The following STK32B variants were observed in gnomAD, a reference collection of about 807,000 sequenced individuals.
STK32B encodes serine/threonine kinase 32B.
Under a neutral mutation model 52.6 loss-of-function variants are expected in STK32B, and 43 were observed. That is an observed-to-expected ratio of 0.82 (90% CI 0.64 to 1.05). STK32B has a LOEUF of 1.05. Ranked by LOEUF, STK32B falls within the 50% of genes least tolerant of loss-of-function variation. The pLI, the probability that STK32B is intolerant of heterozygous loss-of-function variation, is 0.00. For synonymous variants in STK32B, 238 were observed against 204.3 expected, an observed-to-expected ratio of 1.17 and a Z score of -1.41; for missense variants, 621 against 534.6, an observed-to-expected ratio of 1.16 and a Z score of -1.59.
intron 3 of STK32B, among the ~76,000 whole-genome samples, chr4:5,174,168 A>G (rs1228671099): frequency 6.6e-6 from 1 of 151,986 alleles, no homozygotes. Flanking sequence ...ATCTTCCTCC[A>G]TCTTTCTATT....
At chr4:5,191,074 G>A (rs576871925) in intron 3 of STK32B, among the ~76,000 whole-genome samples, 5 of 152,118 alleles carry the variant, frequency 3.3e-5, no homozygotes, top group Non-Finnish European at 7.4e-5. Flanking sequence ...CTGCTAACTC[G>A]AATTTTGACC....
intron 7 of STK32B, among the ~76,000 whole-genome samples, chr4:5,450,527 T>G (rs894046275): frequency 2.0e-5 from 3 of 152,218 alleles, no homozygotes; most frequent in Non-Finnish European, 4.4e-5. Context: ...TTCCCCTTAC[T>G]CAGTCGAAAG....
At chr4:5,092,174 T>G (rs770628399) in intron 1 of STK32B, among the ~76,000 whole-genome samples, 3 of 152,216 alleles carry the variant, frequency 2.0e-5, no homozygotes, top group Non-Finnish European at 2.9e-5. Flanking sequence ...AATATTGTTA[T>G]GCTCAAGTTC....
At chr4:5,146,230 C>T (rs979062130) in intron 2 of STK32B, among the ~76,000 whole-genome samples, 1 of 151,934 alleles carries the variant, frequency 6.6e-6, no homozygotes, top group African/African-American at 2.4e-5. Context: ...CACCATAGGC[C>T]GTCTGAAAGT....
intron 6 of STK32B, among the ~76,000 whole-genome samples, chr4:5,435,348 C>T (rs961429725): frequency 3.3e-5 from 5 of 152,166 alleles, no homozygotes; most frequent in Admixed American, 2.6e-4. Flanking sequence ...CTGTTGTTTG[C>T]TGTCCCGGTG....
chr4:5,338,114 A>G (rs574436858), intron 4 of STK32B, among the ~76,000 whole-genome samples: 1 of 152,344 alleles, frequency 6.6e-6, no homozygotes, highest in East Asian at 1.9e-4. Context: ...GGTAGGATTA[A>G]TGCTGTTGTA....
At chr4:5,186,679 C>T (rs1297925195) in intron 3 of STK32B, among the ~76,000 whole-genome samples, 1 of 152,160 alleles carries the variant, frequency 6.6e-6, no homozygotes, top group Non-Finnish European at 1.5e-5. Context: ...GGGGTTTTCC[C>T]AGTTCCAATT....
rs1717755340 is a variant in STK32B, at chr4:5,470,303, T to C, written c.1106+2233T>C. ...ACCCCTGAGATTTGCAGTCAGCCTA[T>C]GGACACCATTGAGATTTGGCATCGG... On this transcript the variant is annotated intron_variant, in intron 11 of 11. Transcript: ENST00000282908. This position sits in a 1 kb window ranked among gnomAD's most constrained non-coding sequence, Gnocchi z 4.6. Among the ~76,000 whole-genome samples the C allele has an allele frequency of 6.6e-6, 1 of 152,196 alleles. No individual in the cohort carries two copies. The highest frequency in any genetic ancestry group is 1.5e-5 in the Non-Finnish European group (1 of 68,040).
At chr4:5,300,779 A>G (rs1419910806) in intron 3 of STK32B, among the ~76,000 whole-genome samples, 1 of 152,200 alleles carries the variant, frequency 6.6e-6, no homozygotes, top group Non-Finnish European at 1.5e-5. Flanking sequence ...TTGCTGAAAG[A>G]AATCATAGAT....
intron 3 of STK32B, among the ~76,000 whole-genome samples, chr4:5,316,378 TTATA>T (rs545844351): frequency 3.1e-5 from 1 of 32,390 alleles, no homozygotes; most frequent in Admixed American, 5.1e-4. Flanking sequence ...TATATATTAA[TTATA>T]TATATAATAT....
intron 1 of STK32B, among the ~76,000 whole-genome samples, chr4:5,064,912 T>G (rs1256443925): frequency 6.7e-6 from 1 of 149,874 alleles, no homozygotes; most frequent in Non-Finnish European, 1.5e-5. Flanking sequence ...TCCTTAAGAT[T>G]TATGCATATT....
At chr4:5,059,671 ATACTCT>A (rs1742145646) in intron 1 of STK32B, among the ~76,000 whole-genome samples, 1 of 152,246 alleles carries the variant, frequency 6.6e-6, no homozygotes, top group Admixed American at 6.5e-5. Flanking sequence ...AGTGGACAAA[ATACTCT>A]ATAAAAGCAC....
At chr4:5,474,065 G>T (rs1315147991) in intron 11 of STK32B, among the ~76,000 whole-genome samples, 1 of 152,064 alleles carries the variant, frequency 6.6e-6, no homozygotes, top group Non-Finnish European at 1.5e-5. Flanking sequence ...AGTGAGCCAA[G>T]ACCGCGCCAC....
intron 1 of STK32B, among the ~76,000 whole-genome samples, chr4:5,105,785 G>C (rs914559009): frequency 7.3e-5 from 11 of 151,700 alleles, no homozygotes; most frequent in Non-Finnish European, 1.2e-4. Flanking sequence ...GGATGGTCTC[G>C]ATCTCCTGAC....
intron 4 of STK32B, among the ~76,000 whole-genome samples, chr4:5,341,729 G>C (rs563574396): frequency 6.6e-6 from 1 of 152,196 alleles, no homozygotes; most frequent in Admixed American, 6.5e-5. Context: ...CATGCTGCTG[G>C]CATCTGTTCG....
intron 3 of STK32B, among the ~76,000 whole-genome samples, chr4:5,235,616 C>A (rs1444171904): frequency 6.6e-6 from 1 of 152,132 alleles, no homozygotes; most frequent in South Asian, 2.1e-4. Flanking sequence ...AAATTGGGAT[C>A]CTACTTTAAT....
chr4:5,456,339 G>T (rs1188505942), intron 7 of STK32B, among the ~76,000 whole-genome samples: 1 of 152,226 alleles, frequency 6.6e-6, no homozygotes, highest in Non-Finnish European at 1.5e-5. Flanking sequence ...ACCACACCCA[G>T]ACACTGGCCA....
intron 11 of STK32B, among the ~76,000 whole-genome samples, chr4:5,495,224 A>T (rs990179076): frequency 5.9e-5 from 9 of 152,272 alleles, no homozygotes; most frequent in African/African-American, 1.7e-4. Context: ...AATCAGACGT[A>T]GATTTGGTCT....
At chr4:5,374,455 T>C (rs996520076) in intron 4 of STK32B, among the ~76,000 whole-genome samples, 1 of 152,222 alleles carries the variant, frequency 6.6e-6, no homozygotes, top group Non-Finnish European at 1.5e-5. Context: ...AATGGATTGA[T>C]GTCTTAGCCC....
Sources: allele counts gnomAD v4.1 joint callset (sites outside exome capture counted in the v4.1 genomes callset), GRCh38; gene constraint gnomAD v4.1.1; non-coding constraint Gnocchi (gnomAD v3.1); transcripts MANE v1.5; gene names NCBI Gene and HGNC (gene_info 2026-07-23, HGNC 2026-07-21).